MMS22L: variants seen among roughly 807,000 people sequenced by gnomAD.
MMS22L encodes protein MMS22-like.
A neutral mutation model predicts 159.1 loss-of-function variants in MMS22L; 74 were observed. That is an observed-to-expected ratio of 0.47 (90% confidence interval 0.39 to 0.56). The LOEUF (loss-of-function observed/expected upper bound fraction) is 0.56, where lower values mean the gene tolerates loss of function less well. Among genes scored for constraint, MMS22L ranks in the 20% least tolerant of loss-of-function variants. MMS22L has a pLI of 0.00. For synonymous variants in MMS22L, 517 were observed against 506.9 expected, an observed-to-expected ratio of 1.02 and a Z score of -0.27; for missense variants, 1,351 against 1,422.1, an observed-to-expected ratio of 0.95 and a Z score of 0.80.
chr6:97,248,405 A>C (rs1812894718), intron 10 of MMS22L, among the ~76,000 whole-genome samples: 1 of 140,212 alleles, frequency 7.1e-6, no homozygotes, highest in Non-Finnish European at 1.6e-5. Context: ...GAGATAATAA[A>C]TGTTTGTTTT....
intron 14 of MMS22L, among the ~76,000 whole-genome samples, chr6:97,206,382 T>TAAAC (rs1807786656): frequency 2.7e-5 from 4 of 146,738 alleles, no homozygotes; most frequent in Non-Finnish European, 6.0e-5. Flanking sequence ...ACCTCGCATG[T>TAAAC]ACACACACAC....
intron 18 of MMS22L, among the ~76,000 whole-genome samples, chr6:97,177,326 T>C (rs993500772): frequency 6.6e-6 from 1 of 152,162 alleles, no homozygotes; most frequent in Non-Finnish European, 1.5e-5. Context: ...GCACTTAGCA[T>C]ATAATGCCTT....
chr6:97,280,625 T>C (rs964596619), intron 3 of MMS22L, among the ~76,000 whole-genome samples: 1 of 152,192 alleles, frequency 6.6e-6, no homozygotes, highest in Non-Finnish European at 1.5e-5. Context: ...TCCTCATCGT[T>C]TTTAAAAAGC....
chr6:97,255,067 G>T (rs1813653311), intron 9 of MMS22L, among the ~76,000 whole-genome samples: 1 of 151,730 alleles, frequency 6.6e-6, no homozygotes. Flanking sequence ...TTTTTTAAAT[G>T]CATGTCTGTA....
In MMS22L at chr6:97,146,881, G is replaced by A. The variant is rs1800948996; in HGVS notation, c.3657C>T (p.Ala1219=). ...CAAGGTGAGACAAAAGTTTGCTATA[G>A]GCTTCCCTGTTTAAGAAAAAAGAAA... is the stretch of plus-strand genomic sequence containing the variant. The part of the protein sequence containing the change: ...GLGRNIAQRE[A]YSKLLSHLGQ... Residue 1219 remains alanine, a synonymous_variant, in exon 25 of 25, where the codon GCC becomes GCT. Transcript: ENST00000683635. 2 of 1,548,056 alleles carry A rather than the reference G, an allele frequency of 1.3e-6. No homozygotes were observed. The highest frequency in any genetic ancestry group is 1.4e-5 in the African/African-American group (1 of 69,718).
At chr6:97,232,174 C>T (rs1457027549) in intron 12 of MMS22L, among the ~76,000 whole-genome samples, 1 of 152,022 alleles carries the variant, frequency 6.6e-6, no homozygotes, top group Admixed American at 6.6e-5. Flanking sequence ...CTAAGTAGTT[C>T]CTATTGCATT....
At chr6:97,172,986 T>A (rs1803704824) in intron 19 of MMS22L, 77 bp downstream of exon 19, 12 of 1,406,592 alleles carry the variant, frequency 8.5e-6, no homozygotes, top group Non-Finnish European at 1.2e-5. Flanking sequence ...ATTTAGCCAA[T>A]ATATACCTAT....
intron 14 of MMS22L, among the ~76,000 whole-genome samples, chr6:97,226,313 G>A (rs924533922): frequency 1.3e-5 from 2 of 152,070 alleles, no homozygotes; most frequent in African/African-American, 2.4e-5. Flanking sequence ...TTAAATATAC[G>A]GCTGGGCACA....
At chr6:97,172,822 A>G in intron 19 of MMS22L, among the ~76,000 whole-genome samples, 1 of 152,122 alleles carries the variant, frequency 6.6e-6, no homozygotes, top group East Asian at 1.9e-4. Context: ...GTGCCAGCAT[A>G]TTTTCTGTAT....
chr6:97,176,580 G>A (rs1737144), intron 18 of MMS22L, among the ~76,000 whole-genome samples: 67,867 of 151,766 alleles, frequency 0.45, 15,344 homozygotes, highest in South Asian at 0.52. Context: ...TATGGCTTAT[G>A]CTGAATACCT....
rs139934060 is a variant in MMS22L at position 97,151,775 on chromosome 6, A to G, written c.3478T>C (p.Phe1160Leu). ...EEPSSQLTSV[F>L]RQFIQDYGMR... Reference sequence around the variant, plus strand: ...GGTGGCATATTTTCCAGTTACCTAAACACAGAAGTCAGCTGGGAGGAAGGT... The same window carrying G: ...GGTGGCATATTTTCCAGTTACCTAAGCACAGAAGTCAGCTGGGAGGAAGGT... The change falls in exon 23 of 25, where the codon TTT (phenylalanine) becomes CTT (leucine). Residue 1160 changes from phenylalanine (F) to leucine (L), a missense_variant. Physicochemically the swap from Phe to Leu is conservative, Grantham distance 22 (BLOSUM62 0). Transcript: ENST00000683635. The G allele has an allele frequency of 5.6e-6, 9 of 1,613,240 alleles. No individual in the cohort carries two copies. The highest frequency in any genetic ancestry group is 7.6e-6 in the Non-Finnish European group (9 of 1,179,414).
chr6:97,158,499 T>C (rs946349308), intron 22 of MMS22L, among the ~76,000 whole-genome samples: 4 of 152,224 alleles, frequency 2.6e-5, no homozygotes, highest in East Asian at 1.9e-4. Flanking sequence ...CCAGAGATTC[T>C]GGTACGTTAT....
intron 4 of MMS22L, among the ~76,000 whole-genome samples, chr6:97,275,316 C>T (rs1250355543): frequency 6.6e-6 from 1 of 152,134 alleles, no homozygotes; most frequent in African/African-American, 2.4e-5. Context: ...ATCACGAGGT[C>T]AGGAGATCAA....
chr6:97,193,385 A>T (rs1277889690), intron 14 of MMS22L, among the ~76,000 whole-genome samples: 1 of 152,196 alleles, frequency 6.6e-6, no homozygotes, highest in Non-Finnish European at 1.5e-5. Flanking sequence ...CTGTGTCCCA[A>T]AAACAGTAAC....
intron 10 of MMS22L, among the ~76,000 whole-genome samples, chr6:97,249,561 C>T (rs1341440777): frequency 2.6e-5 from 4 of 152,072 alleles, no homozygotes; most frequent in East Asian, 1.9e-4. Context: ...TACTGTGTTA[C>T]GTTCTTGACA....
intron 24 of MMS22L, among the ~76,000 whole-genome samples, chr6:97,148,194 C>G (rs1019307336): frequency 6.6e-6 from 1 of 152,020 alleles, no homozygotes; most frequent in African/African-American, 2.4e-5. Flanking sequence ...ATAAACAAAC[C>G]TATTGTACTG....
Position 97,229,001 on chromosome 6 carries a change from G to A in MMS22L, c.1932C>T (p.Ser644=), listed in dbSNP as rs1810555264. The change falls in exon 14 of 25, where the codon TCC becomes TCT. Residue 644 remains serine (S), a synonymous_variant. Transcript: ENST00000683635. ...VFETSYCLYP[S]HEKLLNDGFS... is the part of the protein sequence containing the mutation. ...ATCCATCATTAAGCAGTTTTTCATGGGAAGGATACAAGCAATAGCTGGTCT... is the reference window on the plus strand; with the variant it reads ...ATCCATCATTAAGCAGTTTTTCATGAGAAGGATACAAGCAATAGCTGGTCT... The A allele has an allele frequency of 6.2e-7, 1 of 1,613,980 alleles. No individual in the cohort carries two copies. Among genetic ancestry groups the A allele is most frequent in the Non-Finnish European group, 8.5e-7 (1 of 1,179,994 alleles).
chr6:97,218,126 C>T lies in MMS22L; in HGVS notation c.2039+10768G>A, dbSNP rs192427690. Among the ~76,000 whole-genome samples the T allele has an allele frequency of 2.0e-5, 3 of 152,258 alleles. No homozygotes were observed. In the East Asian group the frequency reaches 5.8e-4, roughly 29 times the overall value. On this transcript the variant is annotated intron_variant, in intron 14 of 24. Transcript: ENST00000683635. ...ATTAGAAAGATAAAATAATAATAGT[C>T]ATCCAGAAAATACTAAGGAAAACAC...
At chr6:97,175,450 C>T (rs953182477) in intron 18 of MMS22L, among the ~76,000 whole-genome samples, 1 of 152,162 alleles carries the variant, frequency 6.6e-6, no homozygotes, top group African/African-American at 2.4e-5. Context: ...AGTGGTATTT[C>T]CTACAGATTA....
Sources: gnomAD v4.1 joint callset for allele counts (sites outside exome capture counted in the v4.1 genomes callset) on GRCh38, gnomAD v4.1.1 for gene constraint, MANE v1.5 for transcripts, NCBI Gene and HGNC (gene_info 2026-07-23, HGNC 2026-07-21) for gene names.